The following USP10 variants were observed in gnomAD, a reference collection of about 807,000 sequenced individuals.
The protein encoded by USP10 is ubiquitin carboxyl-terminal hydrolase 10.
USP10 carries 22 observed loss-of-function variants against 84.5 expected under a neutral mutation model. The observed-to-expected ratio is 0.26, with a 90% CI of 0.19 to 0.37. USP10 has a LOEUF of 0.37. Among genes scored for constraint, USP10 ranks in the 10% least tolerant of loss-of-function variants. The probability of loss-of-function intolerance (pLI) is 1.00; values close to 1 mark genes in which losing one functional copy is unlikely to be tolerated. For synonymous variants in USP10, 454 were observed against 387.6 expected, an observed-to-expected ratio of 1.17 and a Z score of -2.01; for missense variants, 1,019 against 998.9, an observed-to-expected ratio of 1.02 and a Z score of -0.27.
At chr16:84,775,787 T>C (rs1480942589) in intron 13 of USP10, among the ~76,000 whole-genome samples, 1 of 152,158 alleles carries the variant, frequency 6.6e-6, no homozygotes, top group African/African-American at 2.4e-5. Context: ...ACCTCTTCTG[T>C]CTCCTGGCTT....
chr16:84,711,764 G>T (rs1447678791), intron 1 of USP10, among the ~76,000 whole-genome samples: 3 of 122,044 alleles, frequency 2.5e-5, no homozygotes, highest in African/African-American at 1.0e-4. Flanking sequence ...GTCTTGTTCT[G>T]TCACCCAGGC....
chr16:84,731,412 T>A (rs2150796800), intron 1 of USP10, among the ~76,000 whole-genome samples: 1 of 152,324 alleles, frequency 6.6e-6, no homozygotes, highest in East Asian at 1.9e-4. Flanking sequence ...TTCTTAATAT[T>A]TGCATTAAAC....
chr16:84,764,876 G>C (rs1364954883), intron 10 of USP10, among the ~76,000 whole-genome samples: 2 of 148,022 alleles, frequency 1.4e-5, no homozygotes, highest in Non-Finnish European at 3.0e-5. Flanking sequence ...TCATGACTTA[G>C]GGGTAGGCAA....
chr16:84,744,836 G>T lies in USP10; in HGVS notation c.355G>T (p.Gly119Cys), dbSNP rs759477244. 6.2e-7 allele frequency: 1 copy of T among 1,613,612 alleles called. No individual in the cohort carries two copies. Among genetic ancestry groups the T allele is most frequent in the African/African-American group, 1.3e-5 (1 of 74,886 alleles). ...SYGSIDCQYPGSALALDGSSN... is the reference protein window; with the variant it reads ...SYGSIDCQYPCSALALDGSSN... Reference sequence around the variant, plus strand: ...TGGCTCCATCGACTGCCAGTACCCAGGCTCTGCCCTCGCTTTGGATGGAAG... The same window carrying T: ...TGGCTCCATCGACTGCCAGTACCCATGCTCTGCCCTCGCTTTGGATGGAAG... Residue 119 changes from glycine to cysteine, a missense_variant, in exon 4 of 14, where the codon GGC (glycine) becomes TGC (cysteine). Gly to Cys is a radical substitution (Grantham distance 159). Transcript: ENST00000219473.
Position 84,747,792 on chromosome 16 carries a change from C to G in USP10, c.1192+2119C>G, listed in dbSNP as rs533127464. On this transcript the variant is annotated intron_variant, in intron 4 of 13. Coordinates refer to ENST00000219473, the MANE Select transcript of USP10 (RefSeq NM_005153.3). Reference sequence around the variant, plus strand: ...ATGCTGCCCAGGCTGGCCTCAAACTCCTGACCTCAAGTGATCTGCTCGCTT... The same window carrying G: ...ATGCTGCCCAGGCTGGCCTCAAACTGCTGACCTCAAGTGATCTGCTCGCTT... Among the ~76,000 whole-genome samples the G allele has an allele frequency of 1.2e-4, 18 of 151,940 alleles. 1 individual carries two copies. The highest frequency in any genetic ancestry group is 4.3e-4 in the African/African-American group (18 of 41,460).
At chr16:84,710,742 G>A (rs895399697) in intron 1 of USP10, among the ~76,000 whole-genome samples, 3 of 151,946 alleles carry the variant, frequency 2.0e-5, no homozygotes, top group Non-Finnish European at 2.9e-5. Flanking sequence ...TGTGATCCTC[G>A]AGTGCCCTCT....
chr16:84,755,325 C>T (rs1484060781), intron 4 of USP10, among the ~76,000 whole-genome samples: 1 of 151,944 alleles, frequency 6.6e-6, no homozygotes, highest in Non-Finnish European at 1.5e-5. Context: ...TTCACTCCTT[C>T]TCCCACCCAG....
chr16:84,740,066 T>C (rs571428921), intron 2 of USP10, among the ~76,000 whole-genome samples: 14 of 152,256 alleles, frequency 9.2e-5, no homozygotes, highest in Admixed American at 7.2e-4. Context: ...TTATTCCTTT[T>C]GGCTTCATTT....
chr16:84,726,693 CG>C (rs1555538453), intron 1 of USP10, among the ~76,000 whole-genome samples: 1 of 152,148 alleles, frequency 6.6e-6, no homozygotes, highest in Non-Finnish European at 1.5e-5. Flanking sequence ...TTTGAAAGCC[CG>C]GGATGGAGGC....
At chr16:84,763,866 C>T (rs1320823227) in intron 9 of USP10, among the ~76,000 whole-genome samples, 1 of 152,020 alleles carries the variant, frequency 6.6e-6, no homozygotes, top group South Asian at 2.1e-4. Flanking sequence ...AGTGACGTTG[C>T]ACCTGTTGCG....
At chr16:84,772,132 A>G (rs1051786701) in intron 11 of USP10, among the ~76,000 whole-genome samples, 2 of 151,944 alleles carry the variant, frequency 1.3e-5, no homozygotes, top group Non-Finnish European at 2.9e-5. Context: ...GCTCACTGCA[A>G]CGTCTACCTC....
At position 84,771,681 on chromosome 16, in the gene USP10, C is replaced by G. The variant is rs550085237; in HGVS notation, c.1999-860C>G. 4.6e-5 allele frequency among the ~76,000 whole-genome samples: 7 copies of G among 152,246 alleles called. No homozygotes were observed. The South Asian group carries it at 1.5e-3, about 32-fold the overall frequency. ...GTCAGGAGTTCAAGACCAGCCTGGCCAACATGGTGAAACCCCTTCTTTACT... is the reference window on the plus strand; with the variant it reads ...GTCAGGAGTTCAAGACCAGCCTGGCGAACATGGTGAAACCCCTTCTTTACT... On this transcript the variant is annotated intron_variant, in intron 11 of 13. Coordinates refer to ENST00000219473, the MANE Select transcript of USP10 (RefSeq NM_005153.3).
At position 84,758,889 on chromosome 16, in the gene USP10, C is replaced by T. The variant is rs7203008; in HGVS notation, c.1284+82C>T. On this transcript the variant is annotated intron_variant, in intron 5 of 13. Transcript: ENST00000219473. Reference sequence around the variant, plus strand: ...GGTGCATGTGACTTAGCTCAGCTTCCGTGGGCCATCTAGCTCTCCATTTGA... The same window carrying T: ...GGTGCATGTGACTTAGCTCAGCTTCTGTGGGCCATCTAGCTCTCCATTTGA... 6,143 of 957,906 alleles carry T rather than the reference C, an allele frequency of 6.4e-3. 187 individuals carry two copies. In the African/African-American group the frequency reaches 0.077, roughly 12 times the overall value. 59.3% of individuals were successfully genotyped at this position (957,906 alleles called of 1,614,324 possible).
At chr16:84,743,513 G>A (rs1042481766) in intron 3 of USP10, among the ~76,000 whole-genome samples, 1 of 152,054 alleles carries the variant, frequency 6.6e-6, no homozygotes, top group African/African-American at 2.4e-5. Context: ...GTAGAACACC[G>A]TTCTTTGGGT....
At chr16:84,758,178 G>A (rs1483657288) in intron 4 of USP10, among the ~76,000 whole-genome samples, 2 of 152,206 alleles carry the variant, frequency 1.3e-5, no homozygotes, top group African/African-American at 4.8e-5. Context: ...GGTTTAATTT[G>A]TAGGAGACCG....
rs144313011 is a variant in USP10 at position 84,715,743 on chromosome 16, C to G, written c.21+15632C>G. Among the ~76,000 whole-genome samples, 503 of 152,244 alleles carry G rather than the reference C, an allele frequency of 3.3e-3. 1 individual carries two copies. Among genetic ancestry groups the G allele is most frequent in the Middle Eastern group, 0.02 (6 of 294 alleles). ...GTAACTAGAAATTCCAGAGGTAGAT[C>G]AGGCTTCAAAGTTGGTTTAATTCAG... On this transcript the variant is annotated intron_variant, in intron 1 of 13. Coordinates refer to ENST00000219473, the MANE Select transcript of USP10 (RefSeq NM_005153.3).
intron 1 of USP10, among the ~76,000 whole-genome samples, chr16:84,700,879 C>CT (rs1258337504): frequency 1.3e-5 from 2 of 152,016 alleles, no homozygotes; most frequent in Non-Finnish European, 2.9e-5. Flanking sequence ...GAGTTAAGCT[C>CT]TTATTCCCCT....
chr16:84,741,362 G>T (rs1910600307), intron 3 of USP10, among the ~76,000 whole-genome samples: 1 of 152,248 alleles, frequency 6.6e-6, no homozygotes, highest in African/African-American at 2.4e-5. Flanking sequence ...TCAGCCTCCT[G>T]AGCCACCTTT....
chr16:84,752,799 C>A (rs760859044), intron 4 of USP10, among the ~76,000 whole-genome samples: 4 of 152,044 alleles, frequency 2.6e-5, no homozygotes, highest in Admixed American at 2.6e-4. Flanking sequence ...TGATGGTTAT[C>A]GAAATGAGTC....
Sources: gnomAD v4.1 joint callset for allele counts (sites outside exome capture counted in the v4.1 genomes callset) on GRCh38, gnomAD v4.1.1 for gene constraint, MANE v1.5 for transcripts, NCBI Gene and HGNC (gene_info 2026-07-23, HGNC 2026-07-21) for gene names.